The following FGGY variants were observed in gnomAD, a reference collection of about 807,000 sequenced individuals.
The protein encoded by FGGY is FGGY carbohydrate kinase domain containing, also known as FGGY carbohydrate kinase domain-containing protein.
In FGGY, 72 loss-of-function variants were observed where a neutral mutation model predicts 71.3. The observed-to-expected ratio is 1.01, with a 90% CI of 0.84 to 1.23. The LOEUF (loss-of-function observed/expected upper bound fraction) is 1.23, where lower values mean the gene tolerates loss of function less well. FGGY is among the 50% of genes most tolerant of loss of function. The pLI is 0.00. For synonymous variants in FGGY, 251 were observed against 250.3 expected (o/e 1.00, Z -0.02); for missense variants, 668 against 682.3 (o/e 0.98, Z 0.23).
At chr1:59,760,593 A>G (rs1464710397) in intron 15 of FGGY, among the ~76,000 whole-genome samples, 2 of 152,252 alleles carry the variant, frequency 1.3e-5, no homozygotes, top group Non-Finnish European at 2.9e-5. Context: ...ATATGTGCAT[A>G]CAATGGAGTA....
intron 8 of FGGY, among the ~76,000 whole-genome samples, chr1:59,569,131 A>T (rs1481412202): frequency 6.6e-6 from 1 of 152,206 alleles, no homozygotes; most frequent in Non-Finnish European, 1.5e-5. Context: ...CACATGTGAC[A>T]GTTTCTCTGC....
intron 2 of FGGY, among the ~76,000 whole-genome samples, chr1:59,338,598 G>A (rs1442046545): frequency 2.0e-5 from 3 of 151,994 alleles, no homozygotes; most frequent in African/African-American, 7.2e-5. Flanking sequence ...GTTTTGTCCA[G>A]TTTATTAGTT....
At chr1:59,477,214 C>G (rs751653061) in intron 6 of FGGY, among the ~76,000 whole-genome samples, 50 of 152,332 alleles carry the variant, frequency 3.3e-4, no homozygotes, top group Non-Finnish European at 2.9e-4. Flanking sequence ...CTTGGTCACA[C>G]AGCTATCAGG....
intron 5 of FGGY, among the ~76,000 whole-genome samples, chr1:59,386,469 C>T (rs1361382287): frequency 1.3e-5 from 2 of 152,102 alleles, no homozygotes; most frequent in Non-Finnish European, 2.9e-5. Context: ...CAACTTAACA[C>T]TATTGATGTT....
At chr1:59,498,151 A>T (rs972969713) in intron 6 of FGGY, among the ~76,000 whole-genome samples, 1 of 152,200 alleles carries the variant, frequency 6.6e-6, no homozygotes, top group African/African-American at 2.4e-5. Flanking sequence ...TTTAGTGCTT[A>T]CTATGTACCA....
intron 8 of FGGY, among the ~76,000 whole-genome samples, chr1:59,591,961 C>T (rs2096449768): frequency 6.6e-6 from 1 of 152,144 alleles, no homozygotes; most frequent in African/African-American, 2.4e-5. Flanking sequence ...AACTAAAGAG[C>T]TTCTGCACAG....
At chr1:59,304,702 T>C (rs549621715) in intron 1 of FGGY, among the ~76,000 whole-genome samples, 15 of 152,252 alleles carry the variant, frequency 9.9e-5, no homozygotes, top group African/African-American at 2.9e-4. Flanking sequence ...TCTGTGAACA[T>C]GGATATGTTT....
At position 59,485,932 on chromosome 1, in the gene FGGY, G is replaced by A. The variant is rs77514024; in HGVS notation, c.671-26379G>A. Reference sequence around the variant, plus strand: ...TAAACTTTCTGTAAATCACTGTGATGAAGTGACTTGACAACATTCTAAAAA... The same window carrying A: ...TAAACTTTCTGTAAATCACTGTGATAAAGTGACTTGACAACATTCTAAAAA... On this transcript the variant is annotated intron_variant, in intron 6 of 15. Transcript: ENST00000303721. 1.1e-4 allele frequency among the ~76,000 whole-genome samples: 16 copies of A among 152,264 alleles called. No homozygotes were observed. The East Asian group carries it at 2.9e-3, about 28-fold the overall frequency.
intron 7 of FGGY, among the ~76,000 whole-genome samples, chr1:59,537,716 T>C (rs1385404908): frequency 6.6e-6 from 1 of 151,862 alleles, no homozygotes; most frequent in Admixed American, 6.6e-5. Flanking sequence ...ATCTGATCTT[T>C]GACAAACCTG....
chr1:59,682,607 G>A (rs1248500180), intron 14 of FGGY, among the ~76,000 whole-genome samples: 1 of 152,196 alleles, frequency 6.6e-6, no homozygotes, highest in Non-Finnish European at 1.5e-5. Flanking sequence ...GAAAAGGGCT[G>A]CACTGTTAAC....
chr1:59,655,021 C>A (rs2097205337), intron 11 of FGGY, among the ~76,000 whole-genome samples: 1 of 152,160 alleles, frequency 6.6e-6, no homozygotes, highest in African/African-American at 2.4e-5. Flanking sequence ...CTCCTGCATG[C>A]CTGTACCTTT....
intron 6 of FGGY, among the ~76,000 whole-genome samples, chr1:59,470,149 T>G (rs2092866530): frequency 6.6e-6 from 1 of 152,224 alleles, no homozygotes; most frequent in Non-Finnish European, 1.5e-5. Context: ...GGTATTTCCA[T>G]CTTTAGGTCT....
At chr1:59,486,355 G>A (rs1257876629) in intron 6 of FGGY, among the ~76,000 whole-genome samples, 1 of 152,210 alleles carries the variant, frequency 6.6e-6, no homozygotes, top group African/African-American at 2.4e-5. Context: ...TGCATGTTAA[G>A]TGCCCTGTGA....
chr1:59,542,275 T>G (rs898065941), intron 7 of FGGY, among the ~76,000 whole-genome samples: 2 of 152,096 alleles, frequency 1.3e-5, no homozygotes, highest in African/African-American at 4.8e-5. Flanking sequence ...ACATTTTTTT[T>G]CAAGTATTAT....
intron 5 of FGGY, among the ~76,000 whole-genome samples, chr1:59,379,162 A>AACACACACACAC (rs55986439): frequency 0.011 from 1,571 of 143,202 alleles, 22 homozygotes; most frequent in Middle Eastern, 0.028. Context: ...GGAAAAAATA[A>AACACACACACAC]ACACACACAC....
intron 2 of FGGY, among the ~76,000 whole-genome samples, chr1:59,338,665 C>CT (rs1194740682): frequency 6.6e-6 from 1 of 152,060 alleles, no homozygotes; most frequent in African/African-American, 2.4e-5. Flanking sequence ...AGTTGCCTCT[C>CT]TACCTCTTTT....
chr1:59,537,281 A>C (rs2095343156), intron 7 of FGGY, among the ~76,000 whole-genome samples: 1 of 152,112 alleles, frequency 6.6e-6, no homozygotes. Context: ...CTAGGAATCC[A>C]ACTTACAAGG....
At chr1:59,593,349 T>A (rs1242912286) in intron 8 of FGGY, among the ~76,000 whole-genome samples, 2 of 152,200 alleles carry the variant, frequency 1.3e-5, no homozygotes, top group Non-Finnish European at 2.9e-5. Context: ...ATTCTATTTC[T>A]GCATGTCATG....
chr1:59,512,441 T>A lies in FGGY; in HGVS notation c.799+2T>A. ...TTGATGCCCATGCAGGAGGACTAGGTAATCTCTTATTTGTTGCCTACAGCC... is the reference window on the plus strand; with the variant it reads ...TTGATGCCCATGCAGGAGGACTAGGAAATCTCTTATTTGTTGCCTACAGCC... On this transcript the variant is annotated splice_donor_variant, in intron 7 of 15. Coordinates refer to ENST00000303721, the MANE Select transcript of FGGY (RefSeq NM_018291.5). LOFTEE classifies it high-confidence loss of function. 1 of 1,612,882 alleles carries A rather than the reference T, an allele frequency of 6.2e-7. No individual in the cohort carries two copies. Among genetic ancestry groups the A allele is most frequent in the South Asian group, 1.1e-5 (1 of 90,878 alleles).
Sources: gnomAD v4.1 joint callset for allele counts (sites outside exome capture counted in the v4.1 genomes callset) on GRCh38, gnomAD v4.1.1 for gene constraint, MANE v1.5 for transcripts, NCBI Gene and HGNC (gene_info 2026-07-23, HGNC 2026-07-21) for gene names.